PDE4D: variants seen among roughly 807,000 people sequenced by gnomAD.
PDE4D encodes 3',5'-cyclic-AMP phosphodiesterase 4D.
PDE4D carries 24 observed loss-of-function variants against 87.4 expected under a neutral mutation model. The ratio of observed to expected loss-of-function variants is 0.27; its 90% CI spans 0.20 to 0.39. The LOEUF is 0.39. Among genes scored for constraint, PDE4D ranks in the 10% least tolerant of loss-of-function variants. The pLI is 1.00. For missense variants in PDE4D, 714 were observed against 1,041.0 expected, an observed-to-expected ratio of 0.69 and a Z score of 4.32; for synonymous variants, 384 against 383.2, an observed-to-expected ratio of 1.00 and a Z score of -0.02.
intron 2 of PDE4D, among the ~76,000 whole-genome samples, chr5:60,124,067 A>G (rs919952930): frequency 6.6e-6 from 1 of 152,202 alleles, no homozygotes; most frequent in Non-Finnish European, 1.5e-5. Context: ...TTAATTATAT[A>G]ATTAAACTAT....
chr5:60,493,638 T>C (rs1311872125), intron 1 of PDE4D, among the ~76,000 whole-genome samples: 5 of 151,988 alleles, frequency 3.3e-5, no homozygotes, highest in Admixed American at 3.3e-4. Flanking sequence ...TACTCATGCA[T>C]GATCTTTGTC....
chr5:60,453,176 T>C (rs376748915), intron 1 of PDE4D, among the ~76,000 whole-genome samples: 20 of 152,226 alleles, frequency 1.3e-4, no homozygotes, highest in African/African-American at 4.8e-4. Context: ...TAAAAGCACA[T>C]ATAGCTTGTT....
chr5:59,612,370 G>A (rs1047929187), intron 1 of PDE4D, among the ~76,000 whole-genome samples: 1 of 151,674 alleles, frequency 6.6e-6, no homozygotes, highest in Non-Finnish European at 1.5e-5. Flanking sequence ...TATAAATATG[G>A]GCAAGTCTGA....
At chr5:60,407,991 G>C (rs143041495) in intron 1 of PDE4D, among the ~76,000 whole-genome samples, 6 of 151,962 alleles carry the variant, frequency 3.9e-5, no homozygotes, top group Non-Finnish European at 8.8e-5. Flanking sequence ...TTCTTTACTG[G>C]AACTCGTATG....
intron 3 of PDE4D, among the ~76,000 whole-genome samples, chr5:59,903,227 G>A (rs1260162651): frequency 6.6e-6 from 1 of 151,952 alleles, no homozygotes; most frequent in African/African-American, 2.4e-5. Context: ...AGCTATCAAC[G>A]AACATCACAG....
intron 1 of PDE4D, among the ~76,000 whole-genome samples, chr5:60,241,448 AT>A (rs1342154955): frequency 2.0e-5 from 3 of 151,764 alleles, no homozygotes; most frequent in Non-Finnish European, 4.4e-5. Context: ...TAATTTTTGT[AT>A]TTTTAGTAGA....
At chr5:60,044,177 A>C (rs1768879426) in intron 2 of PDE4D, among the ~76,000 whole-genome samples, 1 of 152,170 alleles carries the variant, frequency 6.6e-6, no homozygotes, top group African/African-American at 2.4e-5. Context: ...AATACAAGAC[A>C]TGATAAATGC....
chr5:59,295,551 T>G (rs1768901192), intron 1 of PDE4D, among the ~76,000 whole-genome samples: 1 of 152,182 alleles, frequency 6.6e-6, no homozygotes, highest in African/African-American at 2.4e-5. Flanking sequence ...GCCTAGTTCG[T>G]AACATCAGGC....
intron 1 of PDE4D, among the ~76,000 whole-genome samples, chr5:60,269,283 G>A (rs1437611102): frequency 6.6e-6 from 1 of 152,120 alleles, no homozygotes; most frequent in Non-Finnish European, 1.5e-5. Context: ...CTCCAGCCTG[G>A]GCAACAGAGC....
intron 3 of PDE4D, among the ~76,000 whole-genome samples, chr5:59,917,390 ACTGCT>A (rs895939302): frequency 1.3e-5 from 2 of 152,116 alleles, no homozygotes; most frequent in African/African-American, 4.8e-5. Context: ...CAAAGCTATA[ACTGCT>A]TCATGAAAAG....
At chr5:59,279,478 C>T (rs533934930) in intron 1 of PDE4D, among the ~76,000 whole-genome samples, 2 of 152,034 alleles carry the variant, frequency 1.3e-5, no homozygotes, top group East Asian at 3.9e-4. Flanking sequence ...CTGGCATGAA[C>T]CTTGCTTGGA....
intron 1 of PDE4D, among the ~76,000 whole-genome samples, chr5:59,368,775 C>T (rs1783487987): frequency 6.6e-6 from 1 of 152,322 alleles, no homozygotes; most frequent in East Asian, 1.9e-4. Context: ...TGATTACAAA[C>T]TTCACTTTGC....
chr5:59,145,499 TAAG>T (rs749476073), intron 5 of PDE4D, among the ~76,000 whole-genome samples: 3 of 152,192 alleles, frequency 2.0e-5, no homozygotes, highest in Non-Finnish European at 2.9e-5. Context: ...GCATGATTTT[TAAG>T]AAGTGAGATT....
At chr5:59,522,404 C>G (rs1162594904) in intron 1 of PDE4D, among the ~76,000 whole-genome samples, 1 of 152,162 alleles carries the variant, frequency 6.6e-6, no homozygotes, top group Non-Finnish European at 1.5e-5. Flanking sequence ...GCTAGCTGCA[C>G]ACAAACAGTG....
At position 59,668,852 on chromosome 5, in the gene PDE4D, GAA is replaced by G. The variant is rs1746618687; in HGVS notation, c.455+224314_455+224315del. The stretch of plus-strand genomic sequence containing the variant: ...AGAAGAGGAAGAGGAAGAGGAAGAA[GAA>G]GAAGAAGAAGAAGAAGAAGAAGAAG... On this transcript the variant is annotated intron_variant, in intron 1 of 14. Transcript: ENST00000340635. 3.4e-3 allele frequency among the ~76,000 whole-genome samples: 176 copies of G among 51,656 alleles called. 3 individuals carry two copies. The highest frequency in any genetic ancestry group is 0.013 in the African/African-American group (128 of 9,844). The allele number at this position is 51,656 out of a possible 152,430, so 33.9% of individuals were successfully genotyped here. A position where few individuals can be genotyped will look rare whatever the true frequency, so the allele number is the denominator to read the frequency against.
chr5:60,280,407 C>T (rs1201869443), intron 1 of PDE4D, among the ~76,000 whole-genome samples: 1 of 151,778 alleles, frequency 6.6e-6, no homozygotes, highest in African/African-American at 2.4e-5. Context: ...GCTATGTATA[C>T]TCCATCTTCC....
chr5:60,248,833 A>C (rs567111413), intron 1 of PDE4D, among the ~76,000 whole-genome samples: 1 of 152,102 alleles, frequency 6.6e-6, no homozygotes, highest in African/African-American at 2.4e-5. Context: ...TGCTCCAAAA[A>C]TATACATTTG....
intron 3 of PDE4D, among the ~76,000 whole-genome samples, chr5:59,947,719 C>T (rs748301199): frequency 9.2e-5 from 14 of 152,152 alleles, no homozygotes; most frequent in South Asian, 2.1e-4. Context: ...GCTAGGTTGG[C>T]TCTTAAGGGC....
chr5:59,280,913 C>A (rs951106515), intron 1 of PDE4D, among the ~76,000 whole-genome samples: 9 of 152,020 alleles, frequency 5.9e-5, no homozygotes, highest in African/African-American at 2.2e-4. Flanking sequence ...TGCTTCCTAG[C>A]ATTCTGGTGT....
Sources: gnomAD v4.1 joint callset for allele counts (sites outside exome capture counted in the v4.1 genomes callset) on GRCh38, gnomAD v4.1.1 for gene constraint, MANE v1.5 for transcripts, NCBI Gene and HGNC (gene_info 2026-07-23, HGNC 2026-07-21) for gene names.